The following GIGYF2 variants were observed in gnomAD, a reference collection of about 807,000 sequenced individuals.
GIGYF2 encodes GRB10 interacting GYF protein 2.
A neutral mutation model predicts 208.1 loss-of-function variants in GIGYF2; 25 were observed. The observed-to-expected ratio is 0.12, with a 90% CI of 0.09 to 0.17. GIGYF2 has a LOEUF of 0.17. Ranked by LOEUF, GIGYF2 falls within the 10% of genes least tolerant of loss-of-function variation. The pLI, the probability that GIGYF2 is intolerant of heterozygous loss-of-function variation, is 1.00. For synonymous variants in GIGYF2, 534 were observed against 543.8 expected (o/e 0.98, Z 0.25); for missense variants, 1,302 against 1,579.4 (o/e 0.82, Z 2.98).
At chr2:232,821,522 T>G (rs1372841079) in intron 21 of GIGYF2, among the ~76,000 whole-genome samples, 1 of 152,232 alleles carries the variant, frequency 6.6e-6, no homozygotes, top group African/African-American at 2.4e-5. Flanking sequence ...TATCTATTTT[T>G]TTTCTTACAA....
intron 3 of GIGYF2, among the ~76,000 whole-genome samples, chr2:232,736,828 T>G (rs1697754222): frequency 6.6e-6 from 1 of 152,360 alleles, no homozygotes; most frequent in African/African-American, 2.4e-5. Flanking sequence ...AAAACATGGT[T>G]TAAATTGTCA....
At chr2:232,724,768 A>G (rs1178569471) in intron 2 of GIGYF2, 1 of 151,962 alleles carries the variant, frequency 6.6e-6, no homozygotes, top group African/African-American at 2.4e-5. Flanking sequence ...GCGTAGGCTG[A>G]TCTCAAACTT....
intron 2 of GIGYF2, among the ~76,000 whole-genome samples, chr2:232,722,841 AT>A (rs1364113196): frequency 1.3e-5 from 2 of 152,182 alleles, no homozygotes; most frequent in African/African-American, 4.8e-5. Flanking sequence ...GCAGCTATCA[AT>A]TTCTTTAGTT....
At chr2:232,819,755 A>G in intron 20 of GIGYF2, 72 bp from the exon 21 acceptor site, 1 of 840,566 alleles carries the variant, frequency 1.2e-6, no homozygotes, top group Non-Finnish European at 2.1e-6. Flanking sequence ...TACTTTCCAA[A>G]TATGACATAA....
At chr2:232,757,162 A>G (rs1220197712) in intron 6 of GIGYF2, among the ~76,000 whole-genome samples, 3 of 152,144 alleles carry the variant, frequency 2.0e-5, no homozygotes, top group East Asian at 1.9e-4. Flanking sequence ...CTTTATAAAT[A>G]GAGTAATTTA....
In GIGYF2 at chr2:232,857,161, A is replaced by C; in HGVS notation, c.*301A>C. 1 of 473,240 alleles carries C rather than the reference A, an allele frequency of 2.1e-6. No homozygotes were observed. 29.3% of individuals were successfully genotyped at this position (473,240 alleles called of 1,614,324 possible). ...TGTTCACTGTGCTGTGATTTCATCT[A>C]CTGTCTCCCAGAAAGTGTGTTGGGA... On this transcript the variant is annotated 3_prime_UTR_variant, in exon 29 of 29. Coordinates refer to ENST00000373563, the MANE Select transcript of GIGYF2 (RefSeq NM_001103146.3).
intron 6 of GIGYF2, among the ~76,000 whole-genome samples, chr2:232,759,738 T>C (rs1376760046): frequency 1.3e-5 from 2 of 152,200 alleles, no homozygotes; most frequent in Non-Finnish European, 2.9e-5. Flanking sequence ...CAACTATTTC[T>C]ATTAGGATAA....
At chr2:232,767,454 T>G (rs1699021399) in intron 8 of GIGYF2, 1 of 152,606 alleles carries the variant, frequency 6.6e-6, no homozygotes, top group Non-Finnish European at 1.5e-5. Context: ...GAGGACAGTT[T>G]TAAAATAAAA....
chr2:232,716,981 G>GT (rs57977288), intron 2 of GIGYF2, among the ~76,000 whole-genome samples: 1,761 of 139,610 alleles, frequency 0.013, 38 homozygotes, highest in Admixed American at 0.061. Context: ...AATTTTTGTT[G>GT]TTTTTTTTTT....
intron 14 of GIGYF2, among the ~76,000 whole-genome samples, chr2:232,796,640 C>T (rs1381743567): frequency 1.3e-5 from 2 of 152,190 alleles, no homozygotes; most frequent in African/African-American, 2.4e-5. Context: ...GGGCGAATCA[C>T]CTGAGGTCAG....
intron 1 of GIGYF2, chr2:232,698,446 A>G (rs539764388): frequency 6.6e-6 from 1 of 152,252 alleles, no homozygotes; most frequent in African/African-American, 2.4e-5. Flanking sequence ...TTCTTTCTTT[A>G]TATAGTATGT....
At position 232,790,765 on chromosome 2, in the gene GIGYF2, A is replaced by G; in HGVS notation, c.780A>G (p.Arg260=). The part of the protein sequence containing the change: ...ERRRRFEFDF[R]DRDDERGYRR... ...GTCGGAGGTTTGAGTTTGATTTTCG[A>G]GATAGAGATGATGAACGGGGTTACC... The change falls in exon 10 of 29, where the codon CGA becomes CGG. Residue 260 remains arginine (R), a synonymous_variant. Coordinates refer to ENST00000373563, the MANE Select transcript of GIGYF2 (RefSeq NM_001103146.3). The G allele has an allele frequency of 6.2e-7, 1 of 1,614,016 alleles. No homozygotes were observed.
chr2:232,754,055 C>T (rs1380553777), intron 5 of GIGYF2, among the ~76,000 whole-genome samples: 2 of 152,188 alleles, frequency 1.3e-5, no homozygotes, highest in Middle Eastern at 6.8e-3. Context: ...GTCCCAGCTA[C>T]TCAGGAGGCT....
At chr2:232,798,920 A>G (rs1700304820) in intron 14 of GIGYF2, among the ~76,000 whole-genome samples, 1 of 150,806 alleles carries the variant, frequency 6.6e-6, no homozygotes, top group Admixed American at 6.6e-5. Flanking sequence ...GTATACATTA[A>G]ACAATAGTTC....
chr2:232,839,559 A>C (rs1701755082), intron 22 of GIGYF2, among the ~76,000 whole-genome samples: 1 of 152,222 alleles, frequency 6.6e-6, no homozygotes, highest in South Asian at 2.1e-4. Flanking sequence ...TGTTTATGTC[A>C]GTACCAGATG....
At chr2:232,817,180 G>C in intron 20 of GIGYF2, 148 bp downstream of exon 20, 1 of 740,634 alleles carries the variant, frequency 1.4e-6, no homozygotes, top group Admixed American at 1.9e-5. Flanking sequence ...AAGAATCTCT[G>C]TTTTTCACCA....
intron 26 of GIGYF2, among the ~76,000 whole-genome samples, chr2:232,847,128 T>G (rs1405310060): frequency 2.0e-5 from 3 of 152,238 alleles, no homozygotes; most frequent in Non-Finnish European, 2.9e-5. Context: ...TAACATTCAG[T>G]GAAATTAAAC....
chr2:232,826,538 G>C (rs1333242433), intron 21 of GIGYF2, among the ~76,000 whole-genome samples: 1 of 152,038 alleles, frequency 6.6e-6, no homozygotes, highest in Non-Finnish European at 1.5e-5. Flanking sequence ...ATAGACAAAT[G>C]GTATCTAATT....
intron 8 of GIGYF2, among the ~76,000 whole-genome samples, chr2:232,780,423 C>A (rs1467735198): frequency 6.6e-6 from 1 of 152,120 alleles, no homozygotes; most frequent in African/African-American, 2.4e-5. Context: ...TAAAATATAT[C>A]GTTTTCCTCA....
Sources: gnomAD v4.1 joint callset for allele counts (sites outside exome capture counted in the v4.1 genomes callset) on GRCh38, gnomAD v4.1.1 for gene constraint, MANE v1.5 for transcripts, NCBI Gene and HGNC (gene_info 2026-07-23, HGNC 2026-07-21) for gene names.